TMEM217: variants seen among roughly 807,000 people sequenced by gnomAD.
TMEM217 encodes transmembrane protein 217.
For synonymous variants in TMEM217, 76 were observed against 88.3 expected (o/e 0.86, Z 0.78); for missense variants, 204 against 248.8 (o/e 0.82, Z 1.21).
intron 1 of TMEM217, among the ~76,000 whole-genome samples, chr6:37,234,566 T>G (rs1362803011): frequency 6.6e-6 from 1 of 151,860 alleles, no homozygotes; most frequent in African/African-American, 2.4e-5. Flanking sequence ...AGTGTGTGTG[T>G]AGAGGATAAG....
downstream of TMEM217, among the ~76,000 whole-genome samples, chr6:37,213,497 C>A (rs1053377896): frequency 2.6e-5 from 4 of 152,246 alleles, no homozygotes; most frequent in African/African-American, 9.6e-5. Flanking sequence ...CTGGGCATGG[C>A]CCAGCCTTGT....
intron 1 of TMEM217, among the ~76,000 whole-genome samples, chr6:37,225,025 A>C (rs962108271): frequency 6.6e-6 from 1 of 151,300 alleles, no homozygotes; most frequent in Non-Finnish European, 1.5e-5. Context: ...AAAAAAAAAA[A>C]ACACCACCAC....
intron 1 of TMEM217, among the ~76,000 whole-genome samples, chr6:37,222,521 G>C (rs12212245): frequency 5.9e-5 from 9 of 152,172 alleles, no homozygotes; most frequent in Admixed American, 5.9e-4. Context: ...CCGCTAACTC[G>C]AAAGGGGCGG....
At chr6:37,254,747 C>A (rs939356102) in intron 1 of TMEM217, among the ~76,000 whole-genome samples, 7 of 152,178 alleles carry the variant, frequency 4.6e-5, no homozygotes, top group Non-Finnish European at 8.8e-5. Context: ...GGGGATACAG[C>A]AGGGAACAAA....
intron 1 of TMEM217, among the ~76,000 whole-genome samples, chr6:37,226,245 G>A (rs368627285): frequency 1.5e-5 from 1 of 68,292 alleles, no homozygotes; most frequent in Non-Finnish European, 3.4e-5. Flanking sequence ...CTCTTTTTTT[G>A]TTTTGTTTTG....
chr6:37,224,082 G>A (rs1171400113), intron 1 of TMEM217, among the ~76,000 whole-genome samples: 3 of 151,426 alleles, frequency 2.0e-5, no homozygotes, highest in Admixed American at 6.6e-5. Flanking sequence ...GACTACAGGC[G>A]CCCACCACCA....
intron 1 of TMEM217, among the ~76,000 whole-genome samples, chr6:37,235,587 C>T (rs960091282): frequency 2.2e-5 from 3 of 136,540 alleles, no homozygotes; most frequent in Non-Finnish European, 3.1e-5. Flanking sequence ...AGGATGGTCT[C>T]GATCTCCTGA....
chr6:37,217,617 G>A (rs577100188), downstream of TMEM217: 11 of 985,056 alleles, frequency 1.1e-5, no homozygotes, highest in Admixed American at 5.5e-4. Context: ...AAAGGGTGGG[G>A]AAATTCGAGA....
chr6:37,215,570 C>CAAAAAAAAAAAAAAAAAAAAAAAAA (rs34808595), downstream of TMEM217, among the ~76,000 whole-genome samples: 11 of 72,370 alleles, frequency 1.5e-4, no homozygotes, highest in Non-Finnish European at 1.7e-4. Context: ...GACTCTGTCT[C>CAAAAAAAAAAAAAAAAAAAAAAAAA]AAAAAAAAAA....
At chr6:37,254,944 AC>A (rs1450829075) in intron 1 of TMEM217, among the ~76,000 whole-genome samples, 1 of 152,200 alleles carries the variant, frequency 6.6e-6, no homozygotes, top group African/African-American at 2.4e-5. Context: ...GCGCAATGCA[AC>A]CTAGATCCCT....
chr6:37,218,068 A>G (rs995499491), exon 2 of TMEM217: 8 of 1,002,484 alleles, frequency 8.0e-6, no homozygotes, highest in Non-Finnish European at 8.3e-6. Flanking sequence ...AAGTGGGGGG[A>G]AAAAAGGAAA....
exon 2 of TMEM217, chr6:37,218,686 G>C (rs768296623): frequency 1.9e-5 from 31 of 1,613,952 alleles, no homozygotes; most frequent in Non-Finnish European, 8.5e-7. Flanking sequence ...AGTCATTGTT[G>C]GTGAGGATTT....
intron 1 of TMEM217, among the ~76,000 whole-genome samples, chr6:37,246,384 A>G (rs1041184989): frequency 6.6e-6 from 1 of 152,148 alleles, no homozygotes; most frequent in Non-Finnish European, 1.5e-5. Flanking sequence ...TGCTCTTCTC[A>G]TAGTGCAGGC....
At chr6:37,216,782 C>A (rs946518385), downstream of TMEM217, among the ~76,000 whole-genome samples, 13 of 152,076 alleles carry the variant, frequency 8.5e-5, no homozygotes, top group Non-Finnish European at 1.6e-4. Flanking sequence ...AGGGGCAGAG[C>A]CCTCATGAAT....
chr6:37,243,425 C>G (rs984923383), intron 1 of TMEM217, among the ~76,000 whole-genome samples: 1 of 152,192 alleles, frequency 6.6e-6, no homozygotes. Flanking sequence ...TCCTTCTTCC[C>G]AGTGTAATTG....
chr6:37,214,463 G>A (rs984372950), downstream of TMEM217, among the ~76,000 whole-genome samples: 5 of 152,144 alleles, frequency 3.3e-5, no homozygotes, highest in African/African-American at 7.2e-5. Flanking sequence ...CTGACCACAA[G>A]TGATCTGCCC....
intron 1 of TMEM217, among the ~76,000 whole-genome samples, chr6:37,233,930 G>A (rs1178859184): frequency 1.3e-5 from 2 of 152,050 alleles, no homozygotes. Flanking sequence ...TTCACTTTCA[G>A]TATAGTAATG....
chr6:37,255,940 A>G (rs1765699008), intron 1 of TMEM217, among the ~76,000 whole-genome samples: 1 of 152,214 alleles, frequency 6.6e-6, no homozygotes, highest in Non-Finnish European at 1.5e-5. Flanking sequence ...AACTGTAGAA[A>G]TAACAGGGCT....
chr6:37,247,588 A>T (rs1363118853), intron 1 of TMEM217, among the ~76,000 whole-genome samples: 1 of 152,034 alleles, frequency 6.6e-6, no homozygotes, highest in Non-Finnish European at 1.5e-5. Context: ...GGGTTTCACC[A>T]TGTTGGCCAG....
Sources: gnomAD v4.1 joint callset for allele counts (sites outside exome capture counted in the v4.1 genomes callset) on GRCh38, gnomAD v4.1.1 for gene constraint, MANE v1.5 for transcripts, NCBI Gene and HGNC (gene_info 2026-07-23, HGNC 2026-07-21) for gene names.